Variants in GTF2H2C observed in about 807,000 individuals in gnomAD.
GTF2H2C encodes GTF2H2 family member C.
A neutral mutation model predicts 24.8 loss-of-function variants in GTF2H2C; 5 were observed. The observed-to-expected ratio is 0.20, with a 90% CI of 0.11 to 0.42. GTF2H2C has a LOEUF of 0.42. GTF2H2C is among the 20% of genes least tolerant of loss of function. The pLI is 1.00. For synonymous variants in GTF2H2C, 14 were observed against 52.6 expected, an observed-to-expected ratio of 0.27 and a Z score of 3.18; for missense variants, 45 against 169.8, an observed-to-expected ratio of 0.27 and a Z score of 4.08.
At chr5:69,561,578 C>A (rs1307427715) in intron 1 of GTF2H2C, among the ~76,000 whole-genome samples, 13 of 120,460 alleles carry the variant, frequency 1.1e-4, no homozygotes, top group African/African-American at 3.8e-4. Context: ...AAAAAGAATT[C>A]CTTTGATATG....
At chr5:69,563,695 T>C (rs1217193362) in intron 2 of GTF2H2C, among the ~76,000 whole-genome samples, 2 of 152,056 alleles carry the variant, frequency 1.3e-5, no homozygotes, top group Non-Finnish European at 2.9e-5. Flanking sequence ...TTCCCATCCT[T>C]CCCTGTCTAA....
intron 8 of GTF2H2C, chr5:69,568,793 C>T (rs867995030): frequency 2.7e-5 from 2 of 74,078 alleles, no homozygotes; most frequent in South Asian, 1.0e-3. Context: ...CCGCATCCGG[C>T]CTTATCCTGA....
chr5:69,562,283 A>G (rs1337149865), intron 1 of GTF2H2C, among the ~76,000 whole-genome samples: 3 of 151,780 alleles, frequency 2.0e-5, no homozygotes, highest in African/African-American at 7.3e-5. Context: ...GCGCCATTGC[A>G]CTCCAGCCTG....
intron 1 of GTF2H2C, among the ~76,000 whole-genome samples, chr5:69,560,806 GGA>G (rs1770273004): frequency 6.6e-6 from 1 of 152,042 alleles, no homozygotes; most frequent in Non-Finnish European, 1.5e-5. Context: ...TCGCCAGGCT[GGA>G]GTGCAGCGGC....
chr5:69,566,593 T>C lies in GTF2H2C; in HGVS notation c.139T>C (p.Phe47Leu). 7.4e-7 allele frequency: 1 copy of C among 1,359,250 alleles called. No individual in the cohort carries two copies. The allele number at this position is 1,359,250 out of a possible 1,614,324, so 84.2% of individuals were successfully genotyped here. ...ATGTTTGTATAATTTTAACAGAGTA[T>C]TTGAGCACCATGGACAAGTTCGACT... ...ILFKAKRKRV[F>L]EHHGQVRLGM... Residue 47 changes from phenylalanine to leucine, a missense_variant, in exon 5 of 17, where the codon TTT (phenylalanine) becomes CTT (leucine). Transcript: ENST00000380729.
At chr5:69,573,194 ATAT>A (rs1561368446) in intron 9 of GTF2H2C, among the ~76,000 whole-genome samples, 2 of 145,458 alleles carry the variant, frequency 1.4e-5, no homozygotes. Context: ...GTATATATAT[ATAT>A]TTTTTCGAGA....
rs967854620 is a variant in GTF2H2C, at chr5:69,592,927, T to C, written c.*729T>C. 3 of 21,608 alleles carry C rather than the reference T, an allele frequency of 1.4e-4. 1 individual carries two copies. The highest frequency in any genetic ancestry group is 3.0e-4 in the Non-Finnish European group (3 of 9,878). The allele number at this position is 21,608 out of a possible 1,614,324, so 1.3% of individuals were successfully genotyped here. A position where few individuals can be genotyped will look rare whatever the true frequency, so the allele number is the denominator to read the frequency against. ...AAAAAAAAAAAAGTTATGAAATTAA[T>C]ACATATGAAATGATGTACTGCTACA... On this transcript the variant is annotated 3_prime_UTR_variant, in exon 17 of 17. Transcript: ENST00000380729.
At chr5:69,573,138 T>TTA (rs1190881251) in intron 9 of GTF2H2C, among the ~76,000 whole-genome samples, 114 of 77,546 alleles carry the variant, frequency 1.5e-3, no homozygotes, top group Non-Finnish European at 2.2e-3. Context: ...TATATATCTA[T>TTA]TATATATACA....
Position 69,573,476 on chromosome 5 carries a change from G to T in GTF2H2C, c.470+926G>T, listed in dbSNP as rs1328827037. Among the ~76,000 whole-genome samples the T allele has an allele frequency of 3.2e-3, 180 of 56,854 alleles. 3 individuals are homozygous for T. Among genetic ancestry groups the T allele is most frequent in the African/African-American group, 0.012 (171 of 14,718 alleles). 37.3% of individuals were successfully genotyped at this position (56,854 alleles called of 152,430 possible). ...TATATATTTTATCTCTGGATAGTCT[G>T]CCCTGGCTCAGACTTATACCTTTAT... On this transcript the variant is annotated intron_variant, in intron 9 of 16. Transcript: ENST00000380729.
intron 2 of GTF2H2C, among the ~76,000 whole-genome samples, chr5:69,564,783 A>G (rs1016466537): frequency 5.6e-4 from 85 of 150,872 alleles, no homozygotes; most frequent in Admixed American, 2.3e-3. Flanking sequence ...TAGTTCAACT[A>G]CGCCCATACT....
intron 1 of GTF2H2C, among the ~76,000 whole-genome samples, chr5:69,560,821 G>A (rs572840717): frequency 2.0e-5 from 3 of 152,098 alleles, no homozygotes; most frequent in East Asian, 3.9e-4. Context: ...GCAGCGGCGC[G>A]ATCTCGGCTC....
chr5:69,574,967 A>C lies in GTF2H2C; in HGVS notation c.470+2417A>C, dbSNP rs1436529228. Reference sequence around the variant, plus strand: ...CTCTACAAAAAAAAAAAAAAAAAAAAAATTAGCCAGGCACAGTGGCGAGCA... The same window carrying C: ...CTCTACAAAAAAAAAAAAAAAAAAACAATTAGCCAGGCACAGTGGCGAGCA... On this transcript the variant is annotated intron_variant, in intron 9 of 16. Transcript: ENST00000380729. Among the ~76,000 whole-genome samples, 7 of 18,218 alleles carry C rather than the reference A, an allele frequency of 3.8e-4. 1 individual carries two copies. Among genetic ancestry groups the C allele is most frequent in the Admixed American group, 1.6e-3 (2 of 1,266 alleles). 12.0% of individuals were successfully genotyped at this position (18,218 alleles called of 152,430 possible). A position where few individuals can be genotyped will look rare whatever the true frequency, so the allele number is the denominator to read the frequency against.
intron 2 of GTF2H2C, among the ~76,000 whole-genome samples, chr5:69,563,823 A>G (rs917713874): frequency 2.6e-5 from 4 of 151,898 alleles, no homozygotes; most frequent in African/African-American, 9.7e-5. Context: ...TTTAGGCCAG[A>G]GTGCAGTGGC....
intron 8 of GTF2H2C, chr5:69,568,425 T>G: frequency 2.1e-6 from 1 of 482,602 alleles, no homozygotes; most frequent in Non-Finnish European, 3.7e-6. Flanking sequence ...TAAATAATAC[T>G]ACATTGAATA....
intron 4 of GTF2H2C, 129 bp from the exon 5 acceptor site, chr5:69,566,460 C>T (rs528456573): frequency 1.6e-5 from 23 of 1,483,720 alleles, no homozygotes; most frequent in Middle Eastern, 1.7e-4. Context: ...TAAAAATGCA[C>T]GTTATGACAT....
At position 69,572,451 on chromosome 5, in the gene GTF2H2C, C is replaced by G. The variant is rs763448146; in HGVS notation, c.371C>G (p.Pro124Arg). Residue 124 changes from proline (P) to arginine (R), a missense_variant, in exon 9 of 17, where the codon CCA becomes CGA. Coordinates refer to ENST00000380729, the MANE Select transcript of GTF2H2C (RefSeq NM_001376000.2). ...AEKLTELSGN[P>R]RKHITSLKEA... Reference sequence around the variant, plus strand: ...GACCTTATTTCTATTTTAGGAAACCCAAGAAAACATATAACGTCTTTGAAG... The same window carrying G: ...GACCTTATTTCTATTTTAGGAAACCGAAGAAAACATATAACGTCTTTGAAG... 1 of 1,484,186 alleles carries G rather than the reference C, an allele frequency of 6.7e-7. No homozygotes were observed. Among genetic ancestry groups the G allele is most frequent in the African/African-American group, 1.5e-5 (1 of 66,562 alleles). The allele number at this position is 1,484,186 out of a possible 1,614,324, so 91.9% of individuals were successfully genotyped here.
intron 5 of GTF2H2C, 103 bp downstream of exon 5, chr5:69,566,728 A>G (rs1770792915): frequency 7.1e-6 from 4 of 562,000 alleles, no homozygotes; most frequent in Non-Finnish European, 1.1e-5. Flanking sequence ...AGTTTTTAAA[A>G]GAATATGTTA....
chr5:69,563,636 C>T (rs1045385102), intron 2 of GTF2H2C, among the ~76,000 whole-genome samples: 2 of 151,960 alleles, frequency 1.3e-5, no homozygotes, highest in African/African-American at 4.8e-5. Flanking sequence ...ATCCCGTCAC[C>T]CTGGTAGTAA....
intron 4 of GTF2H2C, 147 bp downstream of exon 4, chr5:69,566,355 C>A (rs890229663): frequency 2.0e-6 from 2 of 1,015,724 alleles, no homozygotes; most frequent in East Asian, 2.5e-5. Context: ...GAACTAGCCA[C>A]CTACCCTTGC....
Sources: allele counts gnomAD v4.1 joint callset (sites outside exome capture counted in the v4.1 genomes callset), GRCh38; gene constraint gnomAD v4.1.1; transcripts MANE v1.5; gene names NCBI Gene and HGNC (gene_info 2026-07-23, HGNC 2026-07-21).